PRKAG2: variants seen among roughly 807,000 people sequenced by gnomAD.
PRKAG2 encodes the protein 5'-AMP-activated protein kinase subunit gamma-2.
In PRKAG2, 26 loss-of-function variants were observed where a neutral mutation model predicts 69.6. The observed-to-expected ratio is 0.37, with a 90% CI of 0.27 to 0.52. PRKAG2 has a LOEUF of 0.52. PRKAG2 is among the 20% of genes least tolerant of loss of function. The pLI, the probability that PRKAG2 is intolerant of heterozygous loss-of-function variation, is 0.90. For synonymous variants in PRKAG2, 293 were observed against 285.0 expected (o/e 1.03, Z -0.28); for missense variants, 557 against 740.0 (o/e 0.75, Z 2.87).
intron 8 of PRKAG2, among the ~76,000 whole-genome samples, chr7:151,574,584 C>G (rs1016250769): frequency 6.6e-6 from 1 of 152,166 alleles, no homozygotes; most frequent in Non-Finnish European, 1.5e-5. Context: ...ACTTACAGAA[C>G]GTCTAGCTAA....
chr7:151,865,603 A>T (rs1322423379), intron 1 of PRKAG2, among the ~76,000 whole-genome samples: 1 of 152,222 alleles, frequency 6.6e-6, no homozygotes, highest in African/African-American at 2.4e-5. Context: ...AAGCCCCTAG[A>T]CAGGTGACAG....
chr7:151,721,763 A>G (rs1797156726), intron 3 of PRKAG2, among the ~76,000 whole-genome samples: 1 of 152,142 alleles, frequency 6.6e-6, no homozygotes, highest in Admixed American at 6.5e-5. Flanking sequence ...CCCATCAAGC[A>G]TGTACCAGCC....
intron 5 of PRKAG2, among the ~76,000 whole-genome samples, chr7:151,631,029 A>T (rs980602489): frequency 6.6e-6 from 1 of 152,366 alleles, no homozygotes; most frequent in Non-Finnish European, 1.5e-5. Flanking sequence ...TTGGGTTAAC[A>T]CGTCCATGCT....
Position 151,560,160 on chromosome 7 carries a change from A to G in PRKAG2, c.1678+364T>C, listed in dbSNP as rs563445388. On this transcript the variant is annotated intron_variant, in intron 15 of 15. Transcript: ENST00000287878. ...TCTTTAAGGAAAGATGAAGGTATCAAATAGAAGCCAGTGACGTTCCCTCTA... is the reference window on the plus strand; with the variant it reads ...TCTTTAAGGAAAGATGAAGGTATCAGATAGAAGCCAGTGACGTTCCCTCTA... The G allele has an allele frequency of 3.7e-3, 3,678 of 985,446 alleles. 8 individuals carry two copies. Among genetic ancestry groups the G allele is most frequent in the Non-Finnish European group, 4.3e-3 (3,545 of 829,916 alleles). 61.0% of individuals were successfully genotyped at this position (985,446 alleles called of 1,614,324 possible). A position where few individuals can be genotyped will look rare whatever the true frequency, so the allele number is the denominator to read the frequency against.
intron 4 of PRKAG2, among the ~76,000 whole-genome samples, chr7:151,644,392 T>C (rs1284475024): frequency 6.6e-6 from 1 of 152,264 alleles, no homozygotes; most frequent in African/African-American, 2.4e-5. Flanking sequence ...TTTATCACTA[T>C]GTCACTATAA....
At chr7:151,724,962 C>G (rs945720872) in intron 3 of PRKAG2, among the ~76,000 whole-genome samples, 10 of 152,230 alleles carry the variant, frequency 6.6e-5, no homozygotes, top group African/African-American at 2.4e-4. Flanking sequence ...CCACTGTGGC[C>G]GTGAGTCCAG....
At chr7:151,694,279 T>C (rs1836219060) in intron 3 of PRKAG2, among the ~76,000 whole-genome samples, 1 of 152,224 alleles carries the variant, frequency 6.6e-6, no homozygotes, top group African/African-American at 2.4e-5. Flanking sequence ...CAGTCCACTC[T>C]TTTTAAACAT....
At chr7:151,591,403 G>C (rs1440705366) in intron 6 of PRKAG2, among the ~76,000 whole-genome samples, 1 of 152,232 alleles carries the variant, frequency 6.6e-6, no homozygotes, top group African/African-American at 2.4e-5. Flanking sequence ...TAGCGGTGTG[G>C]GCTGGACTAG....
intron 2 of PRKAG2, among the ~76,000 whole-genome samples, chr7:151,784,643 C>T (rs1349306540): frequency 6.6e-6 from 1 of 152,018 alleles, no homozygotes; most frequent in African/African-American, 2.4e-5. Context: ...GTGGGGGTCA[C>T]GGGGGAAGTT....
chr7:151,850,964 T>C lies in PRKAG2; in HGVS notation c.114+25543A>G, dbSNP rs55648650. 0.031 allele frequency among the ~76,000 whole-genome samples: 4,699 copies of C among 152,120 alleles called. 226 individuals are homozygous for C. Among genetic ancestry groups the C allele is most frequent in the African/African-American group, 0.1 (4,221 of 41,488 alleles). ...AGCTCCAAGGCACGGCCCACAGGGG[T>C]ACCCCTGCTCCCCAACCCGCAAATG... On this transcript the variant is annotated intron_variant, in intron 1 of 15. Transcript: ENST00000287878. This position sits in a 1 kb window ranked among gnomAD's most constrained non-coding sequence, Gnocchi z 4.1.
rs183482452 is a variant in PRKAG2 at position 151,796,258 on chromosome 7, C to T, written c.115-9717G>A. On this transcript the variant is annotated intron_variant, in intron 1 of 15. Coordinates refer to ENST00000287878, the MANE Select transcript of PRKAG2 (RefSeq NM_016203.4). ...CTGCTCAGTCATCGGGTGGGCTCTC[C>T]GCCCACACTGTGGCTCTCTGTCCAC... Among the ~76,000 whole-genome samples the T allele has an allele frequency of 1.6e-3, 236 of 152,222 alleles. 1 individual carries two copies. The highest frequency in any genetic ancestry group is 2.8e-3 in the Non-Finnish European group (189 of 68,014).
At chr7:151,815,259 T>C (rs2078608054) in intron 1 of PRKAG2, among the ~76,000 whole-genome samples, 1 of 152,102 alleles carries the variant, frequency 6.6e-6, no homozygotes, top group Non-Finnish European at 1.5e-5. Flanking sequence ...ATCAGCCATG[T>C]CTCTGATTTT....
intron 5 of PRKAG2, among the ~76,000 whole-genome samples, chr7:151,619,500 G>T (rs1323191249): frequency 1.3e-5 from 2 of 152,218 alleles, no homozygotes; most frequent in Non-Finnish European, 2.9e-5. Flanking sequence ...CGATGGTGAT[G>T]CCAGACTGTC....
chr7:151,607,663 C>A (rs370646529), intron 5 of PRKAG2, among the ~76,000 whole-genome samples: 2 of 152,182 alleles, frequency 1.3e-5, no homozygotes, highest in Non-Finnish European at 2.9e-5. Flanking sequence ...CCTATCACAT[C>A]CCCTAGGAAT....
intron 5 of PRKAG2, among the ~76,000 whole-genome samples, chr7:151,629,413 A>AAG (rs1823834520): frequency 6.6e-6 from 1 of 152,206 alleles, no homozygotes; most frequent in South Asian, 2.1e-4. Flanking sequence ...CCTGCGGAGT[A>AAG]AGAGAAGTCT....
chr7:151,775,195 C>T (rs932526790), intron 3 of PRKAG2, among the ~76,000 whole-genome samples: 2 of 152,240 alleles, frequency 1.3e-5, no homozygotes, highest in African/African-American at 4.8e-5. Flanking sequence ...CCAACTGGAC[C>T]TCTTATCCTG....
At chr7:151,714,256 T>G (rs1484773698) in intron 3 of PRKAG2, among the ~76,000 whole-genome samples, 1 of 151,840 alleles carries the variant, frequency 6.6e-6, no homozygotes, top group Admixed American at 6.5e-5. Context: ...AACTTACGTT[T>G]GACTTCTAAG....
intron 3 of PRKAG2, among the ~76,000 whole-genome samples, chr7:151,731,480 C>T (rs981745152): frequency 6.6e-6 from 1 of 152,106 alleles, no homozygotes; most frequent in East Asian, 1.9e-4. Context: ...CTGGTGATTC[C>T]GGGGGCTGCA....
intron 3 of PRKAG2, among the ~76,000 whole-genome samples, chr7:151,760,114 C>A (rs1261295474): frequency 6.6e-6 from 1 of 152,124 alleles, no homozygotes; most frequent in East Asian, 1.9e-4. Flanking sequence ...GGGAGGCAGG[C>A]CAGAGAGAAC....
Sources: allele counts gnomAD v4.1 joint callset (sites outside exome capture counted in the v4.1 genomes callset), GRCh38; gene constraint gnomAD v4.1.1; non-coding constraint Gnocchi (gnomAD v3.1); transcripts MANE v1.5; gene names NCBI Gene and HGNC (gene_info 2026-07-23, HGNC 2026-07-21).